The following CUL2 variants were observed in gnomAD, a reference collection of about 807,000 sequenced individuals.
CUL2 encodes the protein cullin-2.
In CUL2, 22 loss-of-function variants were observed where a neutral mutation model predicts 110.2. The ratio of observed to expected loss-of-function variants is 0.20; its 90% CI spans 0.14 to 0.28. The LOEUF is 0.28. Ranked by LOEUF, CUL2 falls within the 10% of genes least tolerant of loss-of-function variation. The pLI is 1.00. For missense variants in CUL2, 631 were observed against 905.5 expected, an observed-to-expected ratio of 0.70 and a Z score of 3.89; for synonymous variants, 279 against 293.2, an observed-to-expected ratio of 0.95 and a Z score of 0.49.
At chr10:35,020,181 T>A (rs984933068) in intron 17 of CUL2, among the ~76,000 whole-genome samples, 24 of 144,670 alleles carry the variant, frequency 1.7e-4, no homozygotes, top group Admixed American at 8.3e-4. Context: ...AAAAAAAAAA[T>A]AAATCACAAA....
intron 1 of CUL2, among the ~76,000 whole-genome samples, chr10:35,123,082 G>A (rs1285069518): frequency 6.6e-6 from 1 of 152,166 alleles, no homozygotes; most frequent in Admixed American, 6.5e-5. Context: ...AGACTGCAGT[G>A]AGCTGTGACG....
At chr10:35,080,938 G>T (rs1353249400) in intron 1 of CUL2, among the ~76,000 whole-genome samples, 1 of 152,154 alleles carries the variant, frequency 6.6e-6, no homozygotes, top group African/African-American at 2.4e-5. Flanking sequence ...TTGCACCCAG[G>T]TGTGGTGGCT....
At chr10:35,039,833 T>G (rs1189710597) in intron 8 of CUL2, among the ~76,000 whole-genome samples, 1 of 151,490 alleles carries the variant, frequency 6.6e-6, no homozygotes, top group African/African-American at 2.4e-5. Flanking sequence ...CCAGCCTGTG[T>G]GACAGAGTGA....
chr10:35,094,084 C>T (rs2087256668), upstream of CUL2, among the ~76,000 whole-genome samples: 1 of 152,200 alleles, frequency 6.6e-6, no homozygotes, highest in South Asian at 2.1e-4. Context: ...ATGCCAGGAT[C>T]GTGCTTCTTG....
chr10:35,042,503 C>A (rs2085819486), intron 8 of CUL2, among the ~76,000 whole-genome samples: 1 of 152,100 alleles, frequency 6.6e-6, no homozygotes, highest in African/African-American at 2.4e-5. Context: ...TTTCACCTGC[C>A]TCAAGGCAGG....
At chr10:35,098,617 T>C (rs2087333042) in intron 2 of CUL2, among the ~76,000 whole-genome samples, 2 of 151,908 alleles carry the variant, frequency 1.3e-5, no homozygotes, top group African/African-American at 2.4e-5. Context: ...ACAAAGAAGA[T>C]GGAAGAACTT....
At chr10:35,081,000 G>A (rs1234230826) in intron 1 of CUL2, among the ~76,000 whole-genome samples, 1 of 152,060 alleles carries the variant, frequency 6.6e-6, no homozygotes, top group Non-Finnish European at 1.5e-5. Context: ...GATCACTTGA[G>A]CCTGGGAGTT....
chr10:35,043,497 A>C (rs1338355562), intron 8 of CUL2, among the ~76,000 whole-genome samples: 1 of 152,214 alleles, frequency 6.6e-6, no homozygotes, highest in Non-Finnish European at 1.5e-5. Flanking sequence ...GTGTATCGGT[A>C]AGCACGGATG....
chr10:35,087,215 C>G (rs982105574), intron 1 of CUL2, among the ~76,000 whole-genome samples: 2 of 152,194 alleles, frequency 1.3e-5, no homozygotes, highest in Non-Finnish European at 2.9e-5. Context: ...CCACGCCTGG[C>G]TAATGTTTTT....
chr10:35,038,938 G>T lies in CUL2; in HGVS notation c.859C>A (p.Arg287=), dbSNP rs1421188616. The T allele has an allele frequency of 3.2e-6, 5 of 1,585,806 alleles. No individual in the cohort carries two copies. Among genetic ancestry groups the T allele is most frequent in the Admixed American group, 3.7e-5 (2 of 54,454 alleles). ...CACTTACCATTTTTTTTCTCTTGTCGAATTATATTATGACATTCTGCATGT... is the reference window on the plus strand; with the variant it reads ...CACTTACCATTTTTTTTCTCTTGTCTAATTATATTATGACATTCTGCATGT... ...FLHAECHNII[R]QEKKNDMANM... is the part of the protein sequence containing the mutation. Residue 287 remains arginine, a synonymous_variant, in exon 9 of 21, where the codon CGA becomes AGA. Transcript: ENST00000374749.
chr10:35,033,691 C>T (rs976419355), intron 10 of CUL2, among the ~76,000 whole-genome samples: 7 of 151,016 alleles, frequency 4.6e-5, no homozygotes, highest in Non-Finnish European at 8.8e-5. Context: ...GAGCAGAGAT[C>T]GCACCACTGC....
In CUL2 at chr10:35,011,951, G is replaced by C; in HGVS notation, c.2003C>G (p.Thr668Ser). 1 of 1,598,264 alleles carries C rather than the reference G, an allele frequency of 6.3e-7. No individual in the cohort carries two copies. The highest frequency in any genetic ancestry group is 8.5e-7 in the Non-Finnish European group (1 of 1,170,132). Residue 668 changes from threonine to serine, a missense_variant, in exon 20 of 21, where the codon ACT (threonine) becomes AGT (serine). Physicochemically the swap from Thr to Ser is moderately conservative, Grantham distance 58. Around this residue, in one of 3 missense-constraint regions of CUL2, gnomAD observed 159 missense variants for 202.7 expected, o/e 0.78. Transcript: ENST00000374749. Reference protein sequence around the residue: ...QKDTPQEMEQTRSAVDEDRKM... With the variant: ...QKDTPQEMEQSRSAVDEDRKM... ...CCGGTCCTCATCAACTGCACTTCTAGTCTGCTCCATTTCCTGTTTTACAGA... is the reference window on the plus strand; with the variant it reads ...CCGGTCCTCATCAACTGCACTTCTACTCTGCTCCATTTCCTGTTTTACAGA...
intron 1 of CUL2, among the ~76,000 whole-genome samples, chr10:35,115,442 C>G (rs887432176): frequency 2.3e-4 from 35 of 152,186 alleles, no homozygotes; most frequent in African/African-American, 7.7e-4. Context: ...CGCCTGTAAT[C>G]CCAGCTACTC....
At chr10:35,049,602 G>T in intron 6 of CUL2, 81 bp downstream of exon 6, 2 of 1,101,604 alleles carry the variant, frequency 1.8e-6, no homozygotes, top group Non-Finnish European at 2.6e-6. Flanking sequence ...CTAGTCACTG[G>T]CTCTGCAATT....
intron 2 of CUL2, among the ~76,000 whole-genome samples, chr10:35,069,146 C>T (rs1247028820): frequency 6.6e-6 from 1 of 152,052 alleles, no homozygotes; most frequent in East Asian, 1.9e-4. Flanking sequence ...GAATTGTAGG[C>T]GTGAGACAAC....
At chr10:35,102,229 C>T (rs562014028) in intron 1 of CUL2, among the ~76,000 whole-genome samples, 1 of 150,298 alleles carries the variant, frequency 6.7e-6, no homozygotes, top group African/African-American at 2.4e-5. Context: ...AGCGAGACTC[C>T]ATCTCAAAAA....
At chr10:35,082,862 A>G (rs1170049484) in intron 1 of CUL2, among the ~76,000 whole-genome samples, 1 of 152,186 alleles carries the variant, frequency 6.6e-6, no homozygotes, top group Non-Finnish European at 1.5e-5. Flanking sequence ...TTACATAATT[A>G]CAAAGGTATC....
chr10:35,013,687 A>G lies in CUL2; in HGVS notation c.1989+12T>C. The G allele has an allele frequency of 6.6e-7, 1 of 1,525,954 alleles. No homozygotes were observed. Among genetic ancestry groups the G allele is most frequent in the Non-Finnish European group, 8.9e-7 (1 of 1,120,640 alleles). 94.5% of individuals were successfully genotyped at this position (1,525,954 alleles called of 1,614,324 possible). On this transcript the variant is annotated intron_variant, in intron 19 of 20. Coordinates refer to ENST00000374749, the MANE Select transcript of CUL2 (RefSeq NM_003591.4). Reference sequence around the variant, plus strand: ...TCCCCCTCAAAAAAAACTTGACATTAAAAGCACTTACTTGTGGTGTGTCTT... The same window carrying G: ...TCCCCCTCAAAAAAAACTTGACATTGAAAGCACTTACTTGTGGTGTGTCTT...
chr10:35,045,678 C>G (rs1266344779), intron 6 of CUL2, among the ~76,000 whole-genome samples: 1 of 151,986 alleles, frequency 6.6e-6, no homozygotes, highest in Non-Finnish European at 1.5e-5. Context: ...GATTGCACCA[C>G]TGCACTCCAG....
Sources: gnomAD v4.1 joint callset for allele counts (sites outside exome capture counted in the v4.1 genomes callset) on GRCh38, gnomAD v4.1.1 for gene constraint, gnomAD v4.1.1 regional missense constraint, MANE v1.5 for transcripts, NCBI Gene and HGNC (gene_info 2026-07-23, HGNC 2026-07-21) for gene names.